Variants in FAM151B observed in about 807,000 individuals in gnomAD.
FAM151B encodes family with sequence similarity 151 member B.
Under a neutral mutation model 31.2 loss-of-function variants are expected in FAM151B, and 24 were observed. The observed-to-expected ratio is 0.77, with a 90% CI of 0.56 to 1.08. The LOEUF is 1.08. Among genes scored for constraint, FAM151B ranks in the 50% least tolerant of loss-of-function variants. The probability of loss-of-function intolerance (pLI) is 0.00; values close to 1 mark genes in which losing one functional copy is unlikely to be tolerated. For missense variants in FAM151B, 293 were observed against 328.6 expected, an observed-to-expected ratio of 0.89 and a Z score of 0.84; for synonymous variants, 105 against 111.4, an observed-to-expected ratio of 0.94 and a Z score of 0.36.
chr5:80,521,116 CTTTTT>C (rs57212651), intron 4 of FAM151B, among the ~76,000 whole-genome samples: 3 of 71,882 alleles, frequency 4.2e-5, no homozygotes, highest in Admixed American at 2.1e-4. Context: ...TGCACCTGGC[CTTTTT>C]TTTTTTTTTT....
intron 1 of FAM151B, 47 bp from the exon 2 acceptor site, chr5:80,501,745 C>T: frequency 2.1e-6 from 3 of 1,451,238 alleles, no homozygotes; most frequent in East Asian, 2.4e-5. Flanking sequence ...AAAAATTTTA[C>T]CCTATAAAAA....
Position 80,538,537 on chromosome 5 carries a change from C to T in FAM151B, c.672-3136C>T, listed in dbSNP as rs1205436822. 4.1e-4 allele frequency among the ~76,000 whole-genome samples: 52 copies of T among 125,746 alleles called. 1 individual carries two copies. Among genetic ancestry groups the T allele is most frequent in the African/African-American group, 1.5e-3 (47 of 31,004 alleles). The allele number at this position is 125,746 out of a possible 152,430, so 82.5% of individuals were successfully genotyped here. ...CTTTCCTTCCTTCCTTCCTTCCTTC[C>T]TTCCTTCCTTCCTTCCTTCCTTCCT... is the stretch of plus-strand genomic sequence containing the variant. On this transcript the variant is annotated intron_variant, in intron 5 of 5. Coordinates refer to ENST00000282226, the MANE Select transcript of FAM151B (RefSeq NM_205548.3).
chr5:80,529,937 A>G (rs1177346647), intron 5 of FAM151B, among the ~76,000 whole-genome samples: 1 of 152,042 alleles, frequency 6.6e-6, no homozygotes, highest in Non-Finnish European at 1.5e-5. Flanking sequence ...ACAACAAAAA[A>G]AGAATTTCAG....
chr5:80,523,882 T>TA (rs1387409948), intron 5 of FAM151B, among the ~76,000 whole-genome samples: 2 of 152,154 alleles, frequency 1.3e-5, no homozygotes, highest in Non-Finnish European at 2.9e-5. Flanking sequence ...GATTCTTAGT[T>TA]ACAAACAATT....
chr5:80,534,996 C>T (rs908764870), intron 5 of FAM151B, among the ~76,000 whole-genome samples: 21 of 151,918 alleles, frequency 1.4e-4, no homozygotes, highest in African/African-American at 4.8e-4. Flanking sequence ...AAAAGTGATC[C>T]CACTTAGAAT....
chr5:80,519,858 G>T lies in FAM151B; in HGVS notation c.483G>T (p.Val161=), dbSNP rs1440709929. Residue 161 remains valine, a synonymous_variant, in exon 4 of 6, where the codon GTG becomes GTT. Transcript: ENST00000282226. ...CCGTGATATCCTTCTTTCCAGACGT[G>T]ACGTTTTCCCTGGGTTGGACAACAG... ...LDTVISFFPD[V]TFSLGWTTGW... 4 of 1,613,994 alleles carry T rather than the reference G, an allele frequency of 2.5e-6. No homozygotes were observed. In the African/African-American group the frequency reaches 5.3e-5, roughly 22 times the overall value.
In FAM151B at chr5:80,500,333, A is replaced by G; in HGVS notation, c.26-1459A>G. ...GTTGCCTCTTTTTCCGGCTGGAACCATGGAGGGTGTAGAAGAGAAAGAGAA... is the reference window on the plus strand; with the variant it reads ...GTTGCCTCTTTTTCCGGCTGGAACCGTGGAGGGTGTAGAAGAGAAAGAGAA... On this transcript the variant is annotated intron_variant, in intron 1 of 5. Coordinates refer to ENST00000282226, the MANE Select transcript of FAM151B (RefSeq NM_205548.3). The G allele has an allele frequency of 1.6e-5, 14 of 873,178 alleles. No individual in the cohort carries two copies. The Admixed American group carries it at 1.9e-4, about 12-fold the overall frequency. 54.1% of individuals were successfully genotyped at this position (873,178 alleles called of 1,614,324 possible).
chr5:80,488,234 CG>C, intron 1 of FAM151B, 86 bp downstream of exon 1: 1 of 1,462,072 alleles, frequency 6.8e-7, no homozygotes, highest in Non-Finnish European at 9.1e-7. Flanking sequence ...CGGGCTCCCG[CG>C]GTCTTCCTTG....
chr5:80,533,868 C>T (rs1745366069), intron 5 of FAM151B, among the ~76,000 whole-genome samples: 1 of 151,436 alleles, frequency 6.6e-6, no homozygotes, highest in African/African-American at 2.4e-5. Context: ...AAATCTTTAG[C>T]CAGATTAAGA....
intron 5 of FAM151B, chr5:80,522,436 G>A (rs1324093201): frequency 8.8e-6 from 2 of 227,508 alleles, no homozygotes; most frequent in Non-Finnish European, 1.7e-5. Context: ...ATTATGAGTG[G>A]ATAAATTAGC....
At chr5:80,490,398 A>G (rs1337831212) in intron 1 of FAM151B, among the ~76,000 whole-genome samples, 1 of 152,226 alleles carries the variant, frequency 6.6e-6, no homozygotes, top group South Asian at 2.1e-4. Context: ...AAATTCTTCA[A>G]AATCCTTACT....
chr5:80,534,656 G>A (rs1425656350), intron 5 of FAM151B, among the ~76,000 whole-genome samples: 1 of 152,076 alleles, frequency 6.6e-6, no homozygotes, highest in Admixed American at 6.6e-5. Flanking sequence ...GTATTATGCT[G>A]AGTGGGATAA....
intron 1 of FAM151B, among the ~76,000 whole-genome samples, chr5:80,494,437 CTTTCTT>C (rs1371323089): frequency 1.3e-5 from 1 of 77,688 alleles, no homozygotes; most frequent in Non-Finnish European, 3.0e-5. Context: ...TTCTGTCTTT[CTTTCTT>C]TTTCTTTCTT....
At chr5:80,519,412 T>C (rs1359793692) in intron 3 of FAM151B, among the ~76,000 whole-genome samples, 1 of 152,248 alleles carries the variant, frequency 6.6e-6, no homozygotes, top group Non-Finnish European at 1.5e-5. Context: ...GATCCTAATA[T>C]GGAGTTTTGA....
chr5:80,494,488 C>CTTTA (rs1348490560), intron 1 of FAM151B, among the ~76,000 whole-genome samples: 8 of 142,628 alleles, frequency 5.6e-5, no homozygotes, highest in African/African-American at 2.3e-4. Context: ...TTCTTTCTTT[C>CTTTA]TTTCTTTCTT....
At chr5:80,516,641 T>G (rs1354927332) in intron 3 of FAM151B, among the ~76,000 whole-genome samples, 1 of 152,238 alleles carries the variant, frequency 6.6e-6, no homozygotes, top group Non-Finnish European at 1.5e-5. Context: ...ACCAGGACTT[T>G]CCTCTTCGGA....
chr5:80,506,208 T>A (rs187785808), intron 2 of FAM151B: 2 of 701,020 alleles, frequency 2.9e-6, no homozygotes, highest in Non-Finnish European at 1.8e-6. Context: ...GGGCAAGTGA[T>A]CAAACTGGGC....
At chr5:80,532,999 C>T (rs376413931) in intron 5 of FAM151B, among the ~76,000 whole-genome samples, 1 of 152,084 alleles carries the variant, frequency 6.6e-6, no homozygotes, top group South Asian at 2.1e-4. Context: ...CAGCAAAAGC[C>T]ATACTAAGAT....
intron 2 of FAM151B, among the ~76,000 whole-genome samples, chr5:80,508,487 G>T (rs745606011): frequency 6.6e-6 from 1 of 151,686 alleles, no homozygotes; most frequent in Admixed American, 6.6e-5. Flanking sequence ...ATATGAATTG[G>T]TATCTCATTG....
Sources: allele counts gnomAD v4.1 joint callset (sites outside exome capture counted in the v4.1 genomes callset), GRCh38; gene constraint gnomAD v4.1.1; transcripts MANE v1.5; gene names NCBI Gene and HGNC (gene_info 2026-07-23, HGNC 2026-07-21).